MTMR10: variants seen among roughly 807,000 people sequenced by gnomAD.
The protein encoded by MTMR10 is myotubularin-related protein 10.
Under a neutral mutation model 88.1 loss-of-function variants are expected in MTMR10, and 56 were observed. The ratio of observed to expected loss-of-function variants is 0.64; its 90% CI spans 0.51 to 0.79. MTMR10 has a LOEUF of 0.79. MTMR10 is among the 30% of genes least tolerant of loss of function. The pLI, the probability that MTMR10 is intolerant of heterozygous loss-of-function variation, is 0.00. For missense variants in MTMR10, 883 were observed against 924.7 expected, an observed-to-expected ratio of 0.95 and a Z score of 0.58; for synonymous variants, 380 against 340.9, an observed-to-expected ratio of 1.11 and a Z score of -1.26.
At chr15:30,950,767 A>G (rs2063233468) in intron 12 of MTMR10, among the ~76,000 whole-genome samples, 1 of 152,130 alleles carries the variant, frequency 6.6e-6, no homozygotes, top group South Asian at 2.1e-4. Flanking sequence ...TCCATGGGGA[A>G]CTCATTCCAG....
chr15:30,952,313 C>T (rs1465231282), intron 11 of MTMR10, among the ~76,000 whole-genome samples: 3 of 152,196 alleles, frequency 2.0e-5, no homozygotes, highest in Admixed American at 6.5e-5. Context: ...TTCGCATTAC[C>T]GTAAAGTTTC....
chr15:30,973,616 G>A (rs369654039), intron 5 of MTMR10, among the ~76,000 whole-genome samples: 1 of 152,054 alleles, frequency 6.6e-6, no homozygotes, highest in Admixed American at 6.6e-5. Flanking sequence ...CCATACACAC[G>A]CGCAAGCTTC....
chr15:30,972,285 G>A (rs1199157413), intron 5 of MTMR10, among the ~76,000 whole-genome samples: 1 of 152,116 alleles, frequency 6.6e-6, no homozygotes, highest in African/African-American at 2.4e-5. Context: ...AAGCCGTCAA[G>A]CTTTGGTAGC....
intron 2 of MTMR10, among the ~76,000 whole-genome samples, chr15:30,988,187 G>A (rs993503630): frequency 1.3e-5 from 2 of 152,148 alleles, no homozygotes; most frequent in Middle Eastern, 3.2e-3. Flanking sequence ...GGTAAAGCAG[G>A]AAACAGAGAC....
chr15:30,979,977 G>A (rs1321460074), intron 2 of MTMR10, among the ~76,000 whole-genome samples: 2 of 152,228 alleles, frequency 1.3e-5, no homozygotes, highest in Admixed American at 6.5e-5. Context: ...ACAGAGCTGA[G>A]TACTTGAAAC....
At chr15:30,943,619 T>C (rs2063120355) in intron 14 of MTMR10, 2 of 985,316 alleles carry the variant, frequency 2.0e-6, no homozygotes, top group Middle Eastern at 5.2e-4. Context: ...CCTGTGGTCC[T>C]AGCATGTGGC....
chr15:30,929,936 AAATATATAATATAATATATATCATAT>A, the MTMR10 span, among the ~76,000 whole-genome samples: 1 of 117,664 alleles, frequency 8.5e-6, no homozygotes, highest in African/African-American at 3.5e-5. Flanking sequence ...ATAATATATA[AAATATATAATATAATATATATCATAT>A]AATATATAAA....
intron 9 of MTMR10, among the ~76,000 whole-genome samples, chr15:30,956,794 C>T (rs1333424874): frequency 6.6e-6 from 1 of 152,214 alleles, no homozygotes; most frequent in Non-Finnish European, 1.5e-5. Context: ...GGTTTTATAA[C>T]TAACTCTCAC....
chr15:30,935,303 G>T (rs1168120828), downstream of MTMR10, among the ~76,000 whole-genome samples: 2 of 150,966 alleles, frequency 1.3e-5, no homozygotes, highest in African/African-American at 2.4e-5. Context: ...GTGAGACCTT[G>T]TCTCAAAAAA....
the MTMR10 span, among the ~76,000 whole-genome samples, chr15:30,920,815 C>T: frequency 2.0e-5 from 3 of 152,198 alleles, no homozygotes; most frequent in Non-Finnish European, 2.9e-5. Context: ...GACAGGGTCT[C>T]ACTCCATCAC....
chr15:30,936,213 T>C (rs770802246), downstream of MTMR10, among the ~76,000 whole-genome samples: 3 of 152,224 alleles, frequency 2.0e-5, no homozygotes, highest in South Asian at 2.1e-4. Flanking sequence ...TTTTATCTTA[T>C]GAATGCCATG....
rs372364716 is a variant in MTMR10, at chr15:30,976,801, T to C, written c.258+18A>G. ...TTGAAAGCCTGATAGAATGAAACAG[T>C]GTACTAATAAAACACACCTGTAATG... is the stretch of plus-strand genomic sequence containing the variant. On this transcript the variant is annotated intron_variant, in intron 3 of 15. Coordinates refer to ENST00000435680, the MANE Select transcript of MTMR10 (RefSeq NM_017762.3). 6 of 1,606,880 alleles carry C rather than the reference T, an allele frequency of 3.7e-6. No homozygotes were observed. In the Admixed American group the frequency reaches 6.8e-5, roughly 18 times the overall value.
the MTMR10 span, chr15:30,925,772 T>C: frequency 1.2e-6 from 2 of 1,613,786 alleles, no homozygotes; most frequent in East Asian, 4.5e-5. Context: ...ATAGATGTTA[T>C]TCTGCTGCTG....
chr15:30,942,132 G>A, intron 15 of MTMR10, 60 bp from the exon 16 acceptor site: 1 of 1,524,710 alleles, frequency 6.6e-7, no homozygotes, highest in Non-Finnish European at 8.9e-7. Flanking sequence ...ATTGAAGGAT[G>A]CAATGGCAAA....
chr15:30,927,815 G>A, the MTMR10 span: 3 of 985,776 alleles, frequency 3.0e-6, no homozygotes, highest in Non-Finnish European at 3.6e-6. Flanking sequence ...CAGGGACACA[G>A]GTCTGTGTGT....
rs2062996259 is a variant in MTMR10 at position 30,940,279 on chromosome 15, TTA to T, written c.*1189_*1190del. On this transcript the variant is annotated 3_prime_UTR_variant, in exon 16 of 16. Transcript: ENST00000435680. ...TCTTGTCACACAGTTTGGAAATACT[TTA>T]CTTTAGAGAGATTCAGATCAAGCAA... 3 of 456,728 alleles carry T rather than the reference TTA, an allele frequency of 6.6e-6. No homozygotes were observed. The African/African-American group carries it at 8.7e-5, about 13-fold the overall frequency. 28.3% of individuals were successfully genotyped at this position (456,728 alleles called of 1,614,324 possible).
rs1450330879 is a variant in MTMR10 at position 30,951,983 on chromosome 15, A to T, written c.1192T>A (p.Ser398Thr). Residue 398 changes from serine to threonine, a missense_variant, in exon 12 of 16, where the codon TCT becomes ACT. By Grantham distance (58) the Ser-to-Thr change is moderately conservative (BLOSUM62 1). Coordinates refer to ENST00000435680, the MANE Select transcript of MTMR10 (RefSeq NM_017762.3). Reference sequence around the variant, plus strand: ...CTTTAGTTACCTTGTAGGACTACAGAGAGATGTTTGCTTTCTAGCATGTAT... The same window carrying T: ...CTTTAGTTACCTTGTAGGACTACAGTGAGATGTTTGCTTTCTAGCATGTAT... ...LVYMLESKHL[S>T]VVLQEEEGRD... 2 of 1,613,520 alleles carry T rather than the reference A, an allele frequency of 1.2e-6. No individual in the cohort carries two copies. The highest frequency in any genetic ancestry group is 2.7e-5 in the African/African-American group (2 of 74,918).
intron 9 of MTMR10, among the ~76,000 whole-genome samples, chr15:30,956,707 A>C (rs942924738): frequency 1.3e-5 from 2 of 152,228 alleles, no homozygotes; most frequent in African/African-American, 4.8e-5. Flanking sequence ...CTTATGAAGA[A>C]TAGGATAGCT....
the MTMR10 span, chr15:30,926,077 C>G: frequency 1.2e-6 from 1 of 808,256 alleles, no homozygotes; most frequent in Non-Finnish European, 2.0e-6. Flanking sequence ...TGGGGGATGT[C>G]TTCCTATTCT....
Sources: gnomAD v4.1 joint callset for allele counts (sites outside exome capture counted in the v4.1 genomes callset) on GRCh38, gnomAD v4.1.1 for gene constraint, MANE v1.5 for transcripts, NCBI Gene and HGNC (gene_info 2026-07-23, HGNC 2026-07-21) for gene names.